Variants in PLPPR1 observed in about 807,000 individuals in gnomAD.
PLPPR1 encodes phospholipid phosphatase related 1.
A neutral mutation model predicts 33.1 loss-of-function variants in PLPPR1; 10 were observed. The observed-to-expected ratio is 0.30, with a 90% CI of 0.19 to 0.51. The LOEUF (loss-of-function observed/expected upper bound fraction) is 0.51, where lower values mean the gene tolerates loss of function less well. PLPPR1 is among the 20% of genes least tolerant of loss of function. PLPPR1 has a pLI of 0.97. For missense variants in PLPPR1, 304 were observed against 408.1 expected (o/e 0.74, Z 2.20); for synonymous variants, 151 against 151.0 (o/e 1.00, Z 0.00).
At chr9:101,223,856 A>G (rs893323408) in intron 2 of PLPPR1, among the ~76,000 whole-genome samples, 1 of 152,188 alleles carries the variant, frequency 6.6e-6, no homozygotes, top group African/African-American at 2.4e-5. Flanking sequence ...AAATATATAT[A>G]TATGAAGTAC....
At chr9:101,263,185 G>A (rs946418862) in intron 2 of PLPPR1, among the ~76,000 whole-genome samples, 7 of 152,012 alleles carry the variant, frequency 4.6e-5, no homozygotes, top group Non-Finnish European at 1.5e-5. Flanking sequence ...AAAAATAACA[G>A]CACCATGATA....
At chr9:101,119,154 A>G (rs1054936597) in intron 1 of PLPPR1, among the ~76,000 whole-genome samples, 3 of 152,096 alleles carry the variant, frequency 2.0e-5, no homozygotes, top group African/African-American at 7.2e-5. Flanking sequence ...CAGCCTTACC[A>G]TGTTCTTGTC....
At position 101,277,728 on chromosome 9, in the gene PLPPR1, A is replaced by G. The variant is rs1337589349; in HGVS notation, c.252+7660A>G. ...CCAAAATTAAACACCTGGTTAGGGC[A>G]GAGTCGAGCTAGAATTACACTATAT... On this transcript the variant is annotated intron_variant, in intron 3 of 7. Coordinates refer to ENST00000374874, the MANE Select transcript of PLPPR1 (RefSeq NM_207299.2). 2.6e-5 allele frequency among the ~76,000 whole-genome samples: 4 copies of G among 152,350 alleles called. No homozygotes were observed. The East Asian group carries it at 5.8e-4, about 22-fold the overall frequency.
intron 1 of PLPPR1, among the ~76,000 whole-genome samples, chr9:101,029,671 G>C (rs959784504): frequency 1.5e-4 from 23 of 152,214 alleles, no homozygotes; most frequent in Non-Finnish European, 7.3e-5. Flanking sequence ...GGCGGCCTTC[G>C]GCTTTCTCAT....
At chr9:101,083,013 T>A (rs1230481946) in intron 1 of PLPPR1, among the ~76,000 whole-genome samples, 2 of 152,116 alleles carry the variant, frequency 1.3e-5, no homozygotes, top group African/African-American at 4.8e-5. Flanking sequence ...GAAAAAGGAA[T>A]TTCCTAAGTG....
chr9:101,056,921 A>T (rs1200164262), intron 1 of PLPPR1, among the ~76,000 whole-genome samples: 2 of 152,104 alleles, frequency 1.3e-5, no homozygotes, highest in Non-Finnish European at 2.9e-5. Context: ...GTTATTCTCC[A>T]CTGCTCCTCA....
At chr9:101,283,808 A>T (rs1430922636) in intron 3 of PLPPR1, among the ~76,000 whole-genome samples, 2 of 152,170 alleles carry the variant, frequency 1.3e-5, no homozygotes, top group Non-Finnish European at 2.9e-5. Context: ...GCAAGATAAT[A>T]ACCCAATTTA....
chr9:101,282,522 C>T (rs1340116316), intron 3 of PLPPR1, among the ~76,000 whole-genome samples: 2 of 152,144 alleles, frequency 1.3e-5, no homozygotes, highest in African/African-American at 2.4e-5. Flanking sequence ...GTAACTCTCA[C>T]CACTTCTATT....
In PLPPR1 at chr9:101,109,541, C is replaced by G. The variant is rs192675316; in HGVS notation, c.-45-75909C>G. ...GGCTTATAGCACAATCATAGCTACA[C>G]AGGAAGTATTCAAAATGTACTCACT... On this transcript the variant is annotated intron_variant, in intron 1 of 7. Coordinates refer to ENST00000374874, the MANE Select transcript of PLPPR1 (RefSeq NM_207299.2). Among the ~76,000 whole-genome samples the G allele has an allele frequency of 2.8e-3, 431 of 152,280 alleles. 8 individuals are homozygous for G. Among genetic ancestry groups the G allele is most frequent in the Middle Eastern group, 0.01 (3 of 294 alleles).
At chr9:101,238,602 G>A (rs1827382774) in intron 2 of PLPPR1, among the ~76,000 whole-genome samples, 1 of 151,604 alleles carries the variant, frequency 6.6e-6, no homozygotes, top group South Asian at 2.1e-4. Flanking sequence ...GACGTAGAGA[G>A]TGGATTAATA....
At chr9:101,195,905 C>G (rs1324156884) in intron 2 of PLPPR1, among the ~76,000 whole-genome samples, 2 of 152,182 alleles carry the variant, frequency 1.3e-5, no homozygotes, top group East Asian at 3.8e-4. Flanking sequence ...TCTTGCCTTC[C>G]CTCATGGAGC....
chr9:101,306,884 G>A (rs1437459860), intron 4 of PLPPR1, among the ~76,000 whole-genome samples: 2 of 152,200 alleles, frequency 1.3e-5, no homozygotes, highest in African/African-American at 4.8e-5. Context: ...TCTGAGGCTT[G>A]TAAAAATACA....
At chr9:101,252,205 A>G (rs1827725236) in intron 2 of PLPPR1, among the ~76,000 whole-genome samples, 1 of 152,194 alleles carries the variant, frequency 6.6e-6, no homozygotes. Flanking sequence ...CCACATTTCA[A>G]GTGCTCAAGA....
At chr9:101,128,501 G>A (rs1417775827) in intron 1 of PLPPR1, among the ~76,000 whole-genome samples, 3 of 152,136 alleles carry the variant, frequency 2.0e-5, no homozygotes, top group Non-Finnish European at 4.4e-5. Flanking sequence ...TCCATTTGCT[G>A]TTTTAAAGGC....
intron 4 of PLPPR1, among the ~76,000 whole-genome samples, chr9:101,290,446 G>C (rs1163663319): frequency 6.6e-6 from 1 of 152,098 alleles, no homozygotes; most frequent in Non-Finnish European, 1.5e-5. Context: ...AGAAAATAAG[G>C]CTTTATGCTG....
chr9:101,284,551 GTTAA>G, intron 3 of PLPPR1, among the ~76,000 whole-genome samples: 1 of 152,244 alleles, frequency 6.6e-6, no homozygotes, highest in Middle Eastern at 3.4e-3. Context: ...TCATGCATAT[GTTAA>G]TTAGCTAGAT....
At chr9:101,244,442 T>A (rs1044247995) in intron 2 of PLPPR1, among the ~76,000 whole-genome samples, 1 of 151,976 alleles carries the variant, frequency 6.6e-6, no homozygotes, top group Non-Finnish European at 1.5e-5. Flanking sequence ...TGAATAATTT[T>A]TTTTTTTGGT....
intron 3 of PLPPR1, among the ~76,000 whole-genome samples, chr9:101,274,127 C>T (rs1317112799): frequency 6.6e-6 from 1 of 152,198 alleles, no homozygotes; most frequent in Non-Finnish European, 1.5e-5. Context: ...ACCTACAGTT[C>T]TACTCTAGTT....
chr9:101,069,957 G>A (rs1280424585), intron 1 of PLPPR1, among the ~76,000 whole-genome samples: 1 of 152,034 alleles, frequency 6.6e-6, no homozygotes, highest in Non-Finnish European at 1.5e-5. Context: ...TGGGTTTTGG[G>A]GAGGAAAATA....
Sources: gnomAD v4.1 joint callset for allele counts (sites outside exome capture counted in the v4.1 genomes callset) on GRCh38, gnomAD v4.1.1 for gene constraint, MANE v1.5 for transcripts, NCBI Gene and HGNC (gene_info 2026-07-23, HGNC 2026-07-21) for gene names.